The following SFXN5 variants were observed in gnomAD, a reference collection of about 807,000 sequenced individuals.
SFXN5 encodes the protein sideroflexin 5, also known as sideroflexin-5.
Under a neutral mutation model 50.2 loss-of-function variants are expected in SFXN5, and 43 were observed. The observed-to-expected ratio is 0.86, with a 90% CI of 0.67 to 1.11. SFXN5 has a LOEUF of 1.11. Among genes scored for constraint, SFXN5 ranks in the 50% least tolerant of loss-of-function variants. The pLI is 0.00. For missense variants in SFXN5, 463 were observed against 454.1 expected (o/e 1.02, Z -0.18); for synonymous variants, 203 against 185.8 (o/e 1.09, Z -0.75).
chr2:72,971,534 G>A, intron 11 of SFXN5, 36 bp downstream of exon 11: 2 of 1,499,022 alleles, frequency 1.3e-6, no homozygotes, highest in Non-Finnish European at 1.9e-6. Context: ...CTCCCCTGTT[G>A]CTGGCCTCCC....
intron 1 of SFXN5, among the ~76,000 whole-genome samples, chr2:73,064,269 C>G (rs1388737089): frequency 2.0e-5 from 3 of 152,272 alleles, no homozygotes; most frequent in Non-Finnish European, 4.4e-5. Flanking sequence ...CAGCCCAAAG[C>G]AGAAAGGCTG....
At chr2:73,070,965 G>C (rs774842612) in intron 1 of SFXN5, 2 of 152,386 alleles carry the variant, frequency 1.3e-5, no homozygotes, top group Non-Finnish European at 2.9e-5. Flanking sequence ...TCAGGGCATC[G>C]GCCGGCTTGC....
At chr2:73,015,064 C>T (rs1275142266) in intron 6 of SFXN5, among the ~76,000 whole-genome samples, 1 of 152,196 alleles carries the variant, frequency 6.6e-6, no homozygotes, top group Non-Finnish European at 1.5e-5. Flanking sequence ...ATCTTTAAGA[C>T]AGGTGCTTGC....
intron 6 of SFXN5, among the ~76,000 whole-genome samples, chr2:73,017,813 TA>T (rs1340005344): frequency 2.0e-5 from 3 of 152,214 alleles, no homozygotes; most frequent in Non-Finnish European, 4.4e-5. Flanking sequence ...GCCACTCCAG[TA>T]ACCATGAGTA....
Position 72,968,317 on chromosome 2 carries a change from C to T in SFXN5, c.827+131G>A, listed in dbSNP as rs1246681094. 9.2e-6 allele frequency: 7 copies of T among 756,902 alleles called. No individual in the cohort carries two copies. The East Asian group carries it at 1.4e-4, about 15-fold the overall frequency. The allele number at this position is 756,902 out of a possible 1,614,324, so 46.9% of individuals were successfully genotyped here. On this transcript the variant is annotated intron_variant, in intron 12 of 13. Coordinates refer to ENST00000272433, the MANE Select transcript of SFXN5 (RefSeq NM_144579.3). The stretch of plus-strand genomic sequence containing the variant: ...GAAAGTCCAAGATGGAGCAAGACAC[C>T]TTCCACCCTCTACACAAACTGGGGT...
At chr2:72,995,029 C>A (rs1206625115) in intron 9 of SFXN5, 1 of 152,228 alleles carries the variant, frequency 6.6e-6, no homozygotes, top group Non-Finnish European at 1.5e-5. Context: ...CCTGGGGTCA[C>A]CTTCATCATA....
intron 3 of SFXN5, among the ~76,000 whole-genome samples, chr2:73,040,125 T>C (rs1283777430): frequency 1.3e-5 from 2 of 152,176 alleles, no homozygotes; most frequent in Non-Finnish European, 2.9e-5. Flanking sequence ...ACAAGCACTT[T>C]AGTACTATTT....
At chr2:73,018,388 T>C (rs915969629) in intron 6 of SFXN5, among the ~76,000 whole-genome samples, 1 of 152,054 alleles carries the variant, frequency 6.6e-6, no homozygotes, top group Non-Finnish European at 1.5e-5. Flanking sequence ...TGCTTTAAGG[T>C]TGGGTCAAAA....
chr2:73,048,999 T>A (rs1184082455), intron 2 of SFXN5: 1 of 152,244 alleles, frequency 6.6e-6, no homozygotes, highest in Non-Finnish European at 1.5e-5. Flanking sequence ...ACAGAATCAG[T>A]TACTTCACTG....
intron 9 of SFXN5, chr2:72,998,664 G>A: frequency 2.2e-6 from 1 of 450,984 alleles, no homozygotes. Flanking sequence ...TCCGAGCAGA[G>A]TGCTGGGCAA....
At position 72,967,606 on chromosome 2, in the gene SFXN5, C is replaced by T. The variant is rs147602350; in HGVS notation, c.827+842G>A. 4.9e-3 allele frequency among the ~76,000 whole-genome samples: 752 copies of T among 152,224 alleles called. 4 individuals are homozygous for T. The highest frequency in any genetic ancestry group is 0.017 in the African/African-American group (714 of 41,518). ...AGGGAAGAATCCTTTGCCCCAGAAC[C>T]CCAGATGGAGTAACCCCATCCCTGT... On this transcript the variant is annotated intron_variant, in intron 12 of 13. Transcript: ENST00000272433.
chr2:73,043,472 T>C (rs1679910999), intron 2 of SFXN5, among the ~76,000 whole-genome samples: 1 of 152,166 alleles, frequency 6.6e-6, no homozygotes, highest in Admixed American at 6.5e-5. Context: ...AGCACTGGCA[T>C]GTGAAACACC....
At chr2:73,059,715 A>C in intron 1 of SFXN5, 1 of 965,976 alleles carries the variant, frequency 1.0e-6, no homozygotes, top group Non-Finnish European at 1.2e-6. Context: ...TCCATTCCTA[A>C]CAGAAACAGC....
At position 72,953,075 on chromosome 2, in the gene SFXN5, GTTC is replaced by G. The variant is rs1672710327; in HGVS notation, c.946-7979_946-7977del. Among the ~76,000 whole-genome samples the G allele has an allele frequency of 3.9e-5, 6 of 152,342 alleles. No individual in the cohort carries two copies. The South Asian group carries it at 1.2e-3, about 32-fold the overall frequency. ...GCCTGCCACCCGGGCATGTGTACAT[GTTC>G]TTGCGTGCACGTGTATGTGTGCGAG... On this transcript the variant is annotated intron_variant, in intron 13 of 13. Transcript: ENST00000272433. This position sits in a 1 kb window ranked among gnomAD's most constrained non-coding sequence, Gnocchi z 4.1.
intron 10 of SFXN5, among the ~76,000 whole-genome samples, chr2:72,982,906 G>A (rs1435744866): frequency 6.6e-6 from 1 of 152,232 alleles, no homozygotes; most frequent in Non-Finnish European, 1.5e-5. Flanking sequence ...CCAGGTCAAA[G>A]AAGGGACTCA....
chr2:73,032,848 T>C (rs1678487578), intron 3 of SFXN5, among the ~76,000 whole-genome samples: 1 of 152,244 alleles, frequency 6.6e-6, no homozygotes, highest in African/African-American at 2.4e-5. Flanking sequence ...AATTTATCAG[T>C]TGGGCCAATC....
At chr2:72,972,341 AG>A (rs538338590) in intron 10 of SFXN5, among the ~76,000 whole-genome samples, 142 of 152,336 alleles carry the variant, frequency 9.3e-4, no homozygotes, top group Non-Finnish European at 1.7e-3. Context: ...CTGAATACTC[AG>A]GGGGCAAGAG....
chr2:73,062,444 G>A (rs945928503), intron 1 of SFXN5, among the ~76,000 whole-genome samples: 1 of 152,154 alleles, frequency 6.6e-6, no homozygotes, highest in African/African-American at 2.4e-5. Context: ...GAAGTAGAAT[G>A]GCCTGAGTGA....
At chr2:72,946,967 C>T (rs1293854188) in intron 13 of SFXN5, among the ~76,000 whole-genome samples, 2 of 152,228 alleles carry the variant, frequency 1.3e-5, no homozygotes, top group Non-Finnish European at 2.9e-5. Flanking sequence ...TGTCCCCACT[C>T]CAGTCTTTGC....
Sources: allele counts gnomAD v4.1 joint callset (sites outside exome capture counted in the v4.1 genomes callset), GRCh38; gene constraint gnomAD v4.1.1; non-coding constraint Gnocchi (gnomAD v3.1); transcripts MANE v1.5; gene names NCBI Gene and HGNC (gene_info 2026-07-23, HGNC 2026-07-21).